EXOC6B: variants seen among roughly 807,000 people sequenced by gnomAD.
EXOC6B encodes exocyst complex component 6B.
Under a neutral mutation model 113.5 loss-of-function variants are expected in EXOC6B, and 54 were observed. The ratio of observed to expected loss-of-function variants is 0.48; its 90% confidence interval spans 0.38 to 0.60. The LOEUF is 0.60. EXOC6B is among the 20% of genes least tolerant of loss of function. The pLI, the probability that EXOC6B is intolerant of heterozygous loss-of-function variation, is 0.00. For synonymous variants in EXOC6B, 357 were observed against 339.0 expected (o/e 1.05, Z -0.58); for missense variants, 797 against 977.5 (o/e 0.82, Z 2.46).
chr2:72,595,307 A>G (rs1670011136), intron 6 of EXOC6B, among the ~76,000 whole-genome samples: 1 of 147,976 alleles, frequency 6.8e-6, no homozygotes, highest in African/African-American at 2.5e-5. Context: ...ATATATATAT[A>G]TGACAATTAA....
At position 72,684,657 on chromosome 2, in the gene EXOC6B, A is replaced by G. The variant is rs540062294; in HGVS notation, c.669+33446T>C. On this transcript the variant is annotated intron_variant, in intron 6 of 21. Coordinates refer to ENST00000272427, the MANE Select transcript of EXOC6B (RefSeq NM_015189.3). ...AATGAAATGAACTACTGAAACATGT[A>G]ACAACATAGAGGCATCTCAAAATTA... Among the ~76,000 whole-genome samples, 4 of 152,352 alleles carry G rather than the reference A, an allele frequency of 2.6e-5. No individual in the cohort carries two copies. In the East Asian group the frequency reaches 7.7e-4, roughly 29 times the overall value.
chr2:72,569,028 C>G (rs568273186), intron 7 of EXOC6B, among the ~76,000 whole-genome samples: 95 of 151,776 alleles, frequency 6.3e-4, no homozygotes, highest in Non-Finnish European at 1.2e-3. Context: ...ATGGATAGAC[C>G]TAAAAGATCA....
intron 1 of EXOC6B, among the ~76,000 whole-genome samples, chr2:72,766,688 T>C (rs758447870): frequency 7.2e-5 from 11 of 152,036 alleles, no homozygotes; most frequent in Non-Finnish European, 1.6e-4. Flanking sequence ...GCACAGTGGC[T>C]CACACCTGTA....
At chr2:72,519,854 A>G (rs998353810) in intron 8 of EXOC6B, among the ~76,000 whole-genome samples, 10 of 152,298 alleles carry the variant, frequency 6.6e-5, no homozygotes, top group Non-Finnish European at 1.0e-4. Context: ...AGATAGTAAT[A>G]AAGGCCCTTA....
chr2:72,421,887 G>A (rs1234235059), intron 18 of EXOC6B, among the ~76,000 whole-genome samples: 1 of 152,236 alleles, frequency 6.6e-6, no homozygotes, highest in African/African-American at 2.4e-5. Flanking sequence ...CTGGAGTTCC[G>A]GGTGGGCATG....
At chr2:72,791,661 T>C (rs1472246396) in intron 1 of EXOC6B, among the ~76,000 whole-genome samples, 2 of 152,332 alleles carry the variant, frequency 1.3e-5, no homozygotes, top group South Asian at 2.1e-4. Context: ...AATAATGATG[T>C]GAGAACAAAT....
intron 6 of EXOC6B, among the ~76,000 whole-genome samples, chr2:72,621,217 C>A (rs1290059814): frequency 6.6e-6 from 1 of 152,138 alleles, no homozygotes; most frequent in African/African-American, 2.4e-5. Flanking sequence ...ATGTTCATCC[C>A]AGCACTATTC....
chr2:72,815,442 G>C (rs1376265920), intron 1 of EXOC6B, among the ~76,000 whole-genome samples: 2 of 150,340 alleles, frequency 1.3e-5, no homozygotes, highest in African/African-American at 4.9e-5. Context: ...AGTGAGCCAA[G>C]ATTGCCCACT....
chr2:72,397,626 A>AAAAAT (rs1297110503), intron 18 of EXOC6B, among the ~76,000 whole-genome samples: 11 of 131,616 alleles, frequency 8.4e-5, no homozygotes, highest in Admixed American at 3.6e-4. Context: ...TCAAAAAAAA[A>AAAAAT]AAATAAAATA....
At chr2:72,461,364 A>G (rs1299307648) in intron 18 of EXOC6B, 1 of 151,816 alleles carries the variant, frequency 6.6e-6, no homozygotes, top group Non-Finnish European at 1.5e-5. Context: ...ATTAAAAAAA[A>G]AAAAAGAAAT....
At chr2:72,438,356 C>T (rs541667564) in intron 18 of EXOC6B, among the ~76,000 whole-genome samples, 4 of 151,992 alleles carry the variant, frequency 2.6e-5, no homozygotes, top group Admixed American at 2.6e-4. Context: ...CACACATCAT[C>T]CCAGTGCTCT....
intron 18 of EXOC6B, chr2:72,462,907 T>C (rs1697792558): frequency 6.6e-6 from 1 of 152,148 alleles, no homozygotes; most frequent in African/African-American, 2.4e-5. Flanking sequence ...GTTCAATCTA[T>C]GGTGGCCACT....
At chr2:72,602,864 A>T (rs1318605354) in intron 6 of EXOC6B, among the ~76,000 whole-genome samples, 1 of 152,168 alleles carries the variant, frequency 6.6e-6, no homozygotes, top group Non-Finnish European at 1.5e-5. Context: ...GAATGAAATT[A>T]ATCACAGCCA....
chr2:72,368,241 C>G (rs572923932), intron 19 of EXOC6B, among the ~76,000 whole-genome samples: 1 of 152,086 alleles, frequency 6.6e-6, no homozygotes, highest in Admixed American at 6.6e-5. Context: ...AACACCTCTA[C>G]GCAGATAAAC....
At chr2:72,315,388 T>C (rs1226888699) in intron 20 of EXOC6B, among the ~76,000 whole-genome samples, 1 of 151,938 alleles carries the variant, frequency 6.6e-6, no homozygotes, top group Non-Finnish European at 1.5e-5. Context: ...TTATAGACCA[T>C]TAAAAGGACT....
At chr2:72,488,755 G>A (rs1441941234) in intron 16 of EXOC6B, among the ~76,000 whole-genome samples, 1 of 152,054 alleles carries the variant, frequency 6.6e-6, no homozygotes, top group African/African-American at 2.4e-5. Flanking sequence ...CTGGATTTCT[G>A]CCATAATTCC....
chr2:72,811,104 G>A (rs1685893588), intron 1 of EXOC6B, among the ~76,000 whole-genome samples: 1 of 151,444 alleles, frequency 6.6e-6, no homozygotes, highest in African/African-American at 2.4e-5. Flanking sequence ...AGTCCGAAGT[G>A]GGAGGATCAC....
At chr2:72,487,517 T>C (rs995691124) in intron 16 of EXOC6B, among the ~76,000 whole-genome samples, 1 of 152,048 alleles carries the variant, frequency 6.6e-6, no homozygotes, top group African/African-American at 2.4e-5. Flanking sequence ...CGTGCCACCA[T>C]GCCCAGCTAA....
chr2:72,489,309 T>C (rs146035444), intron 16 of EXOC6B, among the ~76,000 whole-genome samples: 167 of 152,344 alleles, frequency 1.1e-3, no homozygotes, highest in African/African-American at 3.7e-3. Flanking sequence ...TATTGTTCAC[T>C]GATTTATCTT....
Sources: gnomAD v4.1 joint callset for allele counts (sites outside exome capture counted in the v4.1 genomes callset) on GRCh38, gnomAD v4.1.1 for gene constraint, MANE v1.5 for transcripts, NCBI Gene and HGNC (gene_info 2026-07-23, HGNC 2026-07-21) for gene names.